CTNNA3: variants seen among roughly 807,000 people sequenced by gnomAD.
CTNNA3 encodes catenin alpha-3.
CTNNA3 carries 76 observed loss-of-function variants against 95.7 expected under a neutral mutation model. The ratio of observed to expected loss-of-function variants is 0.79; its 90% CI spans 0.66 to 0.96. The LOEUF (loss-of-function observed/expected upper bound fraction) is 0.96, where lower values mean the gene tolerates loss of function less well. Among genes scored for constraint, CTNNA3 ranks in the 40% least tolerant of loss-of-function variants. The pLI is 0.00. For missense variants in CTNNA3, 1,191 were observed against 1,089.8 expected (o/e 1.09, Z -1.31); for synonymous variants, 431 against 374.4 (o/e 1.15, Z -1.74).
At position 66,621,601 on chromosome 10, in the gene CTNNA3, A is replaced by AC. The variant is rs560230402; in HGVS notation, c.1374+90_1374+91insG. The AC allele has an allele frequency of 1.5e-3, 1,160 of 767,150 alleles. 5 individuals are homozygous for AC. Among genetic ancestry groups the AC allele is most frequent in the Non-Finnish European group, 2.0e-3 (995 of 493,386 alleles). The allele number at this position is 767,150 out of a possible 1,614,324, so 47.5% of individuals were successfully genotyped here. On this transcript the variant is annotated intron_variant, in intron 10 of 17. Transcript: ENST00000433211. ...AGCGAGACCTGGTCTCAAAAAAAAAAAAAGAAAAAAAAATAGTGTATTTTC... is the reference window on the plus strand; with the variant it reads ...AGCGAGACCTGGTCTCAAAAAAAAAACAAAGAAAAAAAAATAGTGTATTTTC...
chr10:67,558,503 G>C (rs1204776621), intron 3 of CTNNA3, among the ~76,000 whole-genome samples: 2 of 152,202 alleles, frequency 1.3e-5, no homozygotes, highest in Non-Finnish European at 2.9e-5. Flanking sequence ...GAATGCGGCT[G>C]GCAGCCAAGA....
At position 66,490,127 on chromosome 10, in the gene CTNNA3, C is replaced by G. The variant is rs937390580; in HGVS notation, c.1531+30490G>C. Reference sequence around the variant, plus strand: ...TTCAAATTCTAGACTAACTTTGGTGCCTCATTTTGTGGGGTCTCTTTTCTG... The same window carrying G: ...TTCAAATTCTAGACTAACTTTGGTGGCTCATTTTGTGGGGTCTCTTTTCTG... On this transcript the variant is annotated intron_variant, in intron 11 of 17. Transcript: ENST00000433211. Among the ~76,000 whole-genome samples, 4 of 152,068 alleles carry G rather than the reference C, an allele frequency of 2.6e-5. No individual in the cohort carries two copies. In the South Asian group the frequency reaches 8.3e-4, roughly 32 times the overall value.
chr10:66,265,781 A>G (rs1046564871), intron 13 of CTNNA3, among the ~76,000 whole-genome samples: 6 of 151,884 alleles, frequency 4.0e-5, no homozygotes, highest in African/African-American at 1.2e-4. Flanking sequence ...TCTTAGGCCA[A>G]TTTTCTTTTC....
At chr10:66,754,758 AG>A (rs1406640396) in intron 9 of CTNNA3, among the ~76,000 whole-genome samples, 2 of 152,150 alleles carry the variant, frequency 1.3e-5, no homozygotes, top group Non-Finnish European at 2.9e-5. Flanking sequence ...TATAGAGAAA[AG>A]CCACTTCACC....
intron 3 of CTNNA3, among the ~76,000 whole-genome samples, chr10:67,558,981 C>T (rs529861731): frequency 2.3e-4 from 35 of 152,246 alleles, no homozygotes; most frequent in Admixed American, 1.0e-3. Flanking sequence ...ACAAAGCAGC[C>T]GGGAAGCTCG....
intron 9 of CTNNA3, among the ~76,000 whole-genome samples, chr10:66,661,636 A>T (rs752913746): frequency 1.8e-4 from 28 of 152,128 alleles, no homozygotes; most frequent in South Asian, 6.2e-4. Flanking sequence ...TTTTAAGTGC[A>T]CCAAAACAAA....
chr10:65,994,271 T>C (rs74888240), intron 15 of CTNNA3, among the ~76,000 whole-genome samples: 4,929 of 152,276 alleles, frequency 0.032, 285 homozygotes, highest in African/African-American at 0.11. Context: ...ATAATAGATA[T>C]CATCTTTGCA....
At chr10:67,407,140 T>G (rs539956768) in intron 5 of CTNNA3, among the ~76,000 whole-genome samples, 17 of 152,232 alleles carry the variant, frequency 1.1e-4, no homozygotes, top group African/African-American at 3.8e-4. Flanking sequence ...GCCAATATCC[T>G]TGATAAACAT....
intron 14 of CTNNA3, among the ~76,000 whole-genome samples, chr10:66,083,534 A>G (rs1259823957): frequency 1.3e-5 from 2 of 152,206 alleles, no homozygotes; most frequent in African/African-American, 4.8e-5. Context: ...ATCTTTGATC[A>G]GCTAGCATAA....
chr10:65,943,501 T>C (rs2077461531), intron 17 of CTNNA3, among the ~76,000 whole-genome samples: 1 of 152,180 alleles, frequency 6.6e-6, no homozygotes, highest in Non-Finnish European at 1.5e-5. Context: ...AAATCCTCAA[T>C]GACATTACAT....
intron 1 of CTNNA3, among the ~76,000 whole-genome samples, chr10:67,705,142 G>A (rs1433739919): frequency 6.6e-6 from 1 of 151,906 alleles, no homozygotes; most frequent in Non-Finnish European, 1.5e-5. Flanking sequence ...GTGCTGGAGA[G>A]GATGTGGAGA....
intron 1 of CTNNA3, among the ~76,000 whole-genome samples, chr10:67,676,543 AT>A (rs1840538235): frequency 6.6e-6 from 1 of 152,258 alleles, no homozygotes; most frequent in African/African-American, 2.4e-5. Flanking sequence ...TGTCTCTCAA[AT>A]TGTTCAAAAA....
At chr10:66,962,199 A>T (rs1268225559) in intron 7 of CTNNA3, among the ~76,000 whole-genome samples, 2 of 152,146 alleles carry the variant, frequency 1.3e-5, no homozygotes, top group Non-Finnish European at 2.9e-5. Context: ...TGAAAGGCAA[A>T]GTAATTACAA....
intron 3 of CTNNA3, among the ~76,000 whole-genome samples, chr10:67,566,763 A>AT (rs1841818656): frequency 6.6e-6 from 1 of 152,148 alleles, no homozygotes; most frequent in African/African-American, 2.4e-5. Context: ...AAAGACTTGG[A>AT]ACCAACCCAA....
At chr10:67,031,482 A>T (rs1286850153) in intron 7 of CTNNA3, among the ~76,000 whole-genome samples, 2 of 152,226 alleles carry the variant, frequency 1.3e-5, no homozygotes, top group African/African-American at 4.8e-5. Context: ...AAGATTTTCA[A>T]GAAAATTTAT....
chr10:67,219,941 CT>C (rs1564985360), intron 5 of CTNNA3, 71 bp from the exon 6 acceptor site: 6 of 1,250,590 alleles, frequency 4.8e-6, no homozygotes, highest in Non-Finnish European at 6.6e-6. Context: ...TAAAAAGCTT[CT>C]TTTTTTGTAA....
At chr10:67,191,736 A>C (rs965218856) in intron 6 of CTNNA3, among the ~76,000 whole-genome samples, 5 of 151,988 alleles carry the variant, frequency 3.3e-5, no homozygotes, top group Non-Finnish European at 7.4e-5. Context: ...CTTCAAAGAA[A>C]TAGAAAAAAC....
intron 2 of CTNNA3, among the ~76,000 whole-genome samples, chr10:67,616,800 T>C (rs1329170211): frequency 2.0e-5 from 3 of 152,224 alleles, no homozygotes. Flanking sequence ...GGAGATATGT[T>C]TCGTATAGGT....
At chr10:66,308,730 C>G (rs746155176) in intron 12 of CTNNA3, among the ~76,000 whole-genome samples, 2 of 151,986 alleles carry the variant, frequency 1.3e-5, no homozygotes, top group Non-Finnish European at 2.9e-5. Flanking sequence ...CAAATTATGT[C>G]AGTGAAGACA....
Sources: allele counts gnomAD v4.1 joint callset (sites outside exome capture counted in the v4.1 genomes callset), GRCh38; gene constraint gnomAD v4.1.1; transcripts MANE v1.5; gene names NCBI Gene and HGNC (gene_info 2026-07-23, HGNC 2026-07-21).